Variants in HOMER1 observed in about 807,000 individuals in gnomAD.
HOMER1 encodes the protein homer protein homolog 1.
HOMER1 carries 3 observed loss-of-function variants against 48.9 expected under a neutral mutation model. The ratio of observed to expected loss-of-function variants is 0.06; its 90% CI spans 0.03 to 0.16. HOMER1 has a LOEUF of 0.16. Ranked by LOEUF, HOMER1 falls within the 10% of genes least tolerant of loss-of-function variation. The pLI, the probability that HOMER1 is intolerant of heterozygous loss-of-function variation, is 1.00. For synonymous variants in HOMER1, 134 were observed against 146.4 expected (o/e 0.92, Z 0.61); for missense variants, 247 against 411.4 (o/e 0.60, Z 3.46).
intron 1 of HOMER1, among the ~76,000 whole-genome samples, chr5:79,500,950 TGTGA>T (rs1176487063): frequency 1.8e-5 from 2 of 108,180 alleles, no homozygotes; most frequent in African/African-American, 9.0e-5. Flanking sequence ...TGTGTGTGTG[TGTGA>T]GACAGACAGA....
At chr5:79,427,377 T>C in intron 5 of HOMER1, among the ~76,000 whole-genome samples, 1 of 152,134 alleles carries the variant, frequency 6.6e-6, no homozygotes, top group East Asian at 1.9e-4. Flanking sequence ...CCAGTTTTTT[T>C]TTGTATTTGT....
Position 79,375,903 on chromosome 5 carries a change from AAT to A in HOMER1, c.*104_*105del. On this transcript the variant is annotated 3_prime_UTR_variant, in exon 9 of 9. Coordinates refer to ENST00000334082, the MANE Select transcript of HOMER1 (RefSeq NM_004272.5). ...TCCTCCTCCTGGAGGAGTGATATTCAATTTTTTTTTTTTTTTTTTTGTGCAAT... is the reference window on the plus strand; with the variant it reads ...TCCTCCTCCTGGAGGAGTGATATTCATTTTTTTTTTTTTTTTTTGTGCAAT... The A allele has an allele frequency of 3.8e-6, 2 of 526,686 alleles. No individual in the cohort carries two copies. Among genetic ancestry groups the A allele is most frequent in the Non-Finnish European group, 6.1e-6 (2 of 329,354 alleles). The allele number at this position is 526,686 out of a possible 1,614,324, so 32.6% of individuals were successfully genotyped here. A position where few individuals can be genotyped will look rare whatever the true frequency, so the allele number is the denominator to read the frequency against.
rs146503281 is a variant in HOMER1 at position 79,463,822 on chromosome 5, G to C, written c.6-6804C>G. Among the ~76,000 whole-genome samples, 1,149 of 152,216 alleles carry C rather than the reference G, an allele frequency of 7.5e-3. 11 individuals are homozygous for C. Among genetic ancestry groups the C allele is most frequent in the Middle Eastern group, 0.014 (4 of 292 alleles). The stretch of plus-strand genomic sequence containing the variant: ...AACTGCATTGAGATGGGTGGGAAGA[G>C]GAAGAAATGGAAAGGTAAATGTGGA... On this transcript the variant is annotated intron_variant, in intron 1 of 8. Transcript: ENST00000334082.
At chr5:79,446,069 C>T (rs1350132576) in intron 4 of HOMER1, among the ~76,000 whole-genome samples, 1 of 152,196 alleles carries the variant, frequency 6.6e-6, no homozygotes, top group East Asian at 1.9e-4. Context: ...CTTCTCCCCT[C>T]TAGGGCTAGC....
chr5:79,470,962 G>A (rs551163543), intron 1 of HOMER1, among the ~76,000 whole-genome samples: 2 of 152,116 alleles, frequency 1.3e-5, no homozygotes, highest in East Asian at 3.9e-4. Flanking sequence ...TTCAGCCCTT[G>A]CTCTGCCACT....
chr5:79,502,829 CG>C (rs1156366058), intron 1 of HOMER1, among the ~76,000 whole-genome samples: 2 of 152,170 alleles, frequency 1.3e-5, no homozygotes, highest in African/African-American at 4.8e-5. Context: ...CTCGCTCTGT[CG>C]CCCAGGCTGG....
At chr5:79,463,819 A>G (rs1371214499) in intron 1 of HOMER1, among the ~76,000 whole-genome samples, 1 of 152,218 alleles carries the variant, frequency 6.6e-6, no homozygotes, top group East Asian at 1.9e-4. Context: ...ATGGGTGGGA[A>G]GAGGAAGAAA....
rs1275569320 is a variant in HOMER1 at position 79,375,058 on chromosome 5, C to G, written c.*951G>C. On this transcript the variant is annotated 3_prime_UTR_variant, in exon 9 of 9. Coordinates refer to ENST00000334082, the MANE Select transcript of HOMER1 (RefSeq NM_004272.5). ...CTATAATAAACAGTTCCCCAATAAC[C>G]ATTATTATTCGTAAATTGAAATGCA... 2 of 151,976 alleles carry G rather than the reference C, an allele frequency of 1.3e-5. No homozygotes were observed. The highest frequency in any genetic ancestry group is 4.8e-5 in the African/African-American group (2 of 41,402). 9.4% of individuals were successfully genotyped at this position (151,976 alleles called of 1,614,324 possible).
chr5:79,382,211 G>A (rs981165957), intron 8 of HOMER1, among the ~76,000 whole-genome samples: 2 of 152,164 alleles, frequency 1.3e-5, no homozygotes, highest in African/African-American at 4.8e-5. Context: ...GTTCCCGGAG[G>A]TGAAGAGAGA....
intron 4 of HOMER1, among the ~76,000 whole-genome samples, chr5:79,440,245 C>T (rs1333264632): frequency 6.6e-6 from 1 of 152,088 alleles, no homozygotes; most frequent in East Asian, 1.9e-4. Context: ...TATTTATATC[C>T]TTCACATTTA....
chr5:79,398,268 T>C (rs1452780169), intron 6 of HOMER1, among the ~76,000 whole-genome samples: 1 of 151,584 alleles, frequency 6.6e-6, no homozygotes, highest in Non-Finnish European at 1.5e-5. Flanking sequence ...AGTTATACCA[T>C]CTAAAACTAG....
At chr5:79,483,879 AC>A (rs1752018922) in intron 1 of HOMER1, among the ~76,000 whole-genome samples, 1 of 151,278 alleles carries the variant, frequency 6.6e-6, no homozygotes. Context: ...ACATGGTAAA[AC>A]CCCGTCTCTA....
chr5:79,472,679 C>T (rs1015335459), intron 1 of HOMER1, among the ~76,000 whole-genome samples: 1 of 151,756 alleles, frequency 6.6e-6, no homozygotes, highest in Non-Finnish European at 1.5e-5. Context: ...CTCAGGAGAC[C>T]GAGGCAGGAG....
intron 1 of HOMER1, among the ~76,000 whole-genome samples, chr5:79,496,131 A>G (rs1752414204): frequency 6.6e-6 from 1 of 152,216 alleles, no homozygotes; most frequent in Admixed American, 6.5e-5. Context: ...GTGCCTGCAA[A>G]GAGGGAACTA....
chr5:79,472,830 A>G (rs2112328207), intron 1 of HOMER1, among the ~76,000 whole-genome samples: 1 of 152,256 alleles, frequency 6.6e-6, no homozygotes, highest in South Asian at 2.1e-4. Flanking sequence ...GTGATATTAG[A>G]TTCACCTAGC....
At chr5:79,439,694 C>T (rs957192053) in intron 4 of HOMER1, among the ~76,000 whole-genome samples, 1 of 152,076 alleles carries the variant, frequency 6.6e-6, no homozygotes, top group Non-Finnish European at 1.5e-5. Flanking sequence ...AGAAATGCCT[C>T]TATAACCTAT....
intron 2 of HOMER1, among the ~76,000 whole-genome samples, chr5:79,453,517 C>A (rs763474062): frequency 7.2e-5 from 11 of 152,130 alleles, no homozygotes; most frequent in Non-Finnish European, 1.6e-4. Context: ...TGATCCCACA[C>A]TTTTAAAAAG....
At chr5:79,399,641 A>T (rs1373642421) in intron 6 of HOMER1, among the ~76,000 whole-genome samples, 1 of 152,230 alleles carries the variant, frequency 6.6e-6, no homozygotes, top group African/African-American at 2.4e-5. Context: ...TAATCTCCAA[A>T]TAACTGCCTG....
intron 1 of HOMER1, among the ~76,000 whole-genome samples, chr5:79,498,012 C>A (rs572519571): frequency 6.6e-6 from 1 of 152,276 alleles, no homozygotes; most frequent in African/African-American, 2.4e-5. Flanking sequence ...GATTCTGATG[C>A]AGGTTCAAAA....
Sources: gnomAD v4.1 joint callset for allele counts (sites outside exome capture counted in the v4.1 genomes callset) on GRCh38, gnomAD v4.1.1 for gene constraint, MANE v1.5 for transcripts, NCBI Gene and HGNC (gene_info 2026-07-23, HGNC 2026-07-21) for gene names.